The following DMXL1 variants were observed in gnomAD, a reference collection of about 807,000 sequenced individuals.
DMXL1 encodes the protein dmX-like protein 1.
Under a neutral mutation model 319.2 loss-of-function variants are expected in DMXL1, and 99 were observed. That is an observed-to-expected ratio of 0.31 (90% confidence interval 0.26 to 0.37). DMXL1 has a LOEUF of 0.37. Among genes scored for constraint, DMXL1 ranks in the 10% least tolerant of loss-of-function variants. The pLI is 1.00. For synonymous variants in DMXL1, 1,385 were observed against 1,235.2 expected, an observed-to-expected ratio of 1.12 and a Z score of -2.54; for missense variants, 3,745 against 3,595.6, an observed-to-expected ratio of 1.04 and a Z score of -1.06.
At chr5:119,236,996 A>G (rs912078205) in intron 39 of DMXL1, 2 of 155,866 alleles carry the variant, frequency 1.3e-5, no homozygotes, top group African/African-American at 4.8e-5. Flanking sequence ...TTTCTTTCTT[A>G]TATATGATAA....
intron 19 of DMXL1, among the ~76,000 whole-genome samples, chr5:119,156,649 T>G (rs1771137064): frequency 6.6e-6 from 1 of 152,022 alleles, no homozygotes; most frequent in Non-Finnish European, 1.5e-5. Flanking sequence ...ATTTTGTTTT[T>G]AAATTTTTTC....
intron 15 of DMXL1, among the ~76,000 whole-genome samples, chr5:119,145,384 A>C (rs1768286622): frequency 6.6e-6 from 1 of 151,706 alleles, no homozygotes; most frequent in Non-Finnish European, 1.5e-5. Flanking sequence ...CTAATTTCTT[A>C]CCATTGCTTT....
intron 13 of DMXL1, among the ~76,000 whole-genome samples, chr5:119,135,696 T>C (rs1330327986): frequency 6.6e-6 from 1 of 152,178 alleles, no homozygotes; most frequent in Non-Finnish European, 1.5e-5. Flanking sequence ...AAAGTGGCAG[T>C]TTCCCCTGTG....
In DMXL1 at chr5:119,147,183, G is replaced by A. The variant is rs1300635492; in HGVS notation, c.2690-66G>A. On this transcript the variant is annotated intron_variant, in intron 16 of 43. Transcript: ENST00000539542. ...ACAAGGCAGTTTTGGATTGTAAAATGTAACAATCGTAATATTTATAGGGTT... is the reference window on the plus strand; with the variant it reads ...ACAAGGCAGTTTTGGATTGTAAAATATAACAATCGTAATATTTATAGGGTT... 9.5e-6 allele frequency: 13 copies of A among 1,367,128 alleles called. No individual in the cohort carries two copies. The Admixed American group carries it at 1.3e-4, about 13-fold the overall frequency. 84.7% of individuals were successfully genotyped at this position (1,367,128 alleles called of 1,614,324 possible).
intron 30 of DMXL1, among the ~76,000 whole-genome samples, chr5:119,195,858 G>A (rs887247117): frequency 2.0e-5 from 3 of 152,122 alleles, no homozygotes; most frequent in Non-Finnish European, 4.4e-5. Context: ...GAAATCACAA[G>A]TTTTACTTAA....
At chr5:119,207,770 C>T (rs1278735793) in intron 34 of DMXL1, among the ~76,000 whole-genome samples, 1 of 152,168 alleles carries the variant, frequency 6.6e-6, no homozygotes, top group Non-Finnish European at 1.5e-5. Flanking sequence ...GATCCACCTG[C>T]CTTGGCCTCC....
At chr5:119,097,489 G>A (rs1035754160) in intron 1 of DMXL1, among the ~76,000 whole-genome samples, 2 of 152,002 alleles carry the variant, frequency 1.3e-5, no homozygotes, top group African/African-American at 4.8e-5. Flanking sequence ...AGGCCGAGAC[G>A]GGTGGATCAC....
At chr5:119,208,939 T>A (rs1782255614) in intron 34 of DMXL1, among the ~76,000 whole-genome samples, 2 of 152,202 alleles carry the variant, frequency 1.3e-5, no homozygotes, top group South Asian at 4.1e-4. Flanking sequence ...TTCTGGAATT[T>A]TATGTAAATA....
chr5:119,216,484 G>T (rs1048040344), intron 34 of DMXL1, among the ~76,000 whole-genome samples: 2 of 152,172 alleles, frequency 1.3e-5, no homozygotes, highest in South Asian at 2.1e-4. Context: ...AAATGCAACA[G>T]TGACCCTTTG....
At chr5:119,157,249 G>C (rs1291791082) in intron 19 of DMXL1, among the ~76,000 whole-genome samples, 2 of 152,188 alleles carry the variant, frequency 1.3e-5, no homozygotes, top group Non-Finnish European at 2.9e-5. Context: ...ACAGATTGCA[G>C]ATATTATTTC....
intron 10 of DMXL1, among the ~76,000 whole-genome samples, chr5:119,130,499 C>A (rs146707128): frequency 2.0e-5 from 3 of 152,234 alleles, no homozygotes; most frequent in African/African-American, 4.8e-5. Context: ...TCCGCCACCA[C>A]ACCTGGCTAA....
At chr5:119,230,023 C>A (rs1561926575) in intron 38 of DMXL1, among the ~76,000 whole-genome samples, 2 of 152,086 alleles carry the variant, frequency 1.3e-5, no homozygotes, top group Non-Finnish European at 2.9e-5. Flanking sequence ...CAATTAATAT[C>A]CATCATTTAA....
Position 119,216,940 on chromosome 5 carries a change from A to C in DMXL1, c.7966A>C (p.Ile2656Leu), listed in dbSNP as rs1254989654. ...DLGYPGGKAR[I>L]IHKESDIITA... ...GGGATATCCTGGAGGTAAAGCAAGA[A>C]TTATTCATAAGGAATCTGATATCAT... Residue 2656 changes from isoleucine (I) to leucine (L), a missense_variant, in exon 35 of 44, where the codon ATT (isoleucine) becomes CTT (leucine). Ile to Leu is a conservative substitution (Grantham distance 5). Coordinates refer to ENST00000539542, the MANE Select transcript of DMXL1 (RefSeq NM_001290321.3). The C allele has an allele frequency of 6.2e-7, 1 of 1,602,476 alleles. No individual in the cohort carries two copies. The highest frequency in any genetic ancestry group is 8.5e-7 in the Non-Finnish European group (1 of 1,174,902).
At chr5:119,131,603 G>T (rs1205696237) in intron 10 of DMXL1, among the ~76,000 whole-genome samples, 1 of 152,130 alleles carries the variant, frequency 6.6e-6, no homozygotes, top group Non-Finnish European at 1.5e-5. Flanking sequence ...TTTTTACCAT[G>T]AGCAAAACTG....
intron 32 of DMXL1, among the ~76,000 whole-genome samples, 153 bp downstream of exon 32, chr5:119,198,109 C>G (rs1036797907): frequency 3.3e-5 from 5 of 152,164 alleles, no homozygotes; most frequent in African/African-American, 1.2e-4. Flanking sequence ...CTGCCTCAGT[C>G]TCCTGAGTAG....
chr5:119,198,841 A>G (rs767207176), intron 32 of DMXL1, among the ~76,000 whole-genome samples: 13 of 152,230 alleles, frequency 8.5e-5, no homozygotes, highest in Non-Finnish European at 1.6e-4. Flanking sequence ...GATTTGTTCT[A>G]CAAATTATTT....
chr5:119,078,947 T>C lies in DMXL1; in HGVS notation c.87+7291T>C, dbSNP rs555411817. On this transcript the variant is annotated intron_variant, in intron 1 of 43. Coordinates refer to ENST00000539542, the MANE Select transcript of DMXL1 (RefSeq NM_001290321.3). ...GTCTTTGTTGCCAGTATCCTTTAAC[T>C]GTCTGGACCCTTTTTGTTTGCGCCA... is the stretch of plus-strand genomic sequence containing the variant. Among the ~76,000 whole-genome samples the C allele has an allele frequency of 1.7e-4, 26 of 152,324 alleles. 1 individual carries two copies. Among genetic ancestry groups the C allele is most frequent in the African/African-American group, 6.3e-4 (26 of 41,584 alleles).
intron 13 of DMXL1, among the ~76,000 whole-genome samples, chr5:119,136,084 C>A (rs146891524): frequency 1.3e-5 from 2 of 152,160 alleles, no homozygotes; most frequent in Admixed American, 6.5e-5. Flanking sequence ...AATGAAGTCC[C>A]GGCTGAGGTA....
At chr5:119,128,675 T>C (rs942369226) in intron 9 of DMXL1, among the ~76,000 whole-genome samples, 1 of 152,168 alleles carries the variant, frequency 6.6e-6, no homozygotes, top group African/African-American at 2.4e-5. Context: ...TGGATGTTGA[T>C]AATGTGGGAG....
Sources: gnomAD v4.1 joint callset for allele counts (sites outside exome capture counted in the v4.1 genomes callset) on GRCh38, gnomAD v4.1.1 for gene constraint, MANE v1.5 for transcripts, NCBI Gene and HGNC (gene_info 2026-07-23, HGNC 2026-07-21) for gene names.